Variants in ACTR3 observed in about 807,000 individuals in gnomAD.
ACTR3 encodes the protein actin-related protein 3.
A neutral mutation model predicts 56.8 loss-of-function variants in ACTR3; 12 were observed. That is an observed-to-expected ratio of 0.21 (90% CI 0.14 to 0.34). ACTR3 has a LOEUF of 0.34. Among genes scored for constraint, ACTR3 ranks in the 10% least tolerant of loss-of-function variants. The pLI is 1.00. For synonymous variants in ACTR3, 162 were observed against 167.4 expected (o/e 0.97, Z 0.25); for missense variants, 282 against 512.5 (o/e 0.55, Z 4.34).
intron 1 of ACTR3, among the ~76,000 whole-genome samples, chr2:113,898,223 A>G (rs903216473): frequency 9.2e-5 from 14 of 152,026 alleles, no homozygotes; most frequent in South Asian, 2.1e-4. Context: ...CAGTTACTCA[A>G]GGGTACAAAT....
At position 113,934,093 on chromosome 2, in the gene ACTR3, A is replaced by G. The variant is rs1159496824; in HGVS notation, c.433-186A>G. On this transcript the variant is annotated intron_variant, in intron 5 of 11. Transcript: ENST00000263238. ...TAAACCTCTAAGTTTGTCTTAATAA[A>G]ATGTAGGGAGTGAGCTATTTTATTG... is the stretch of plus-strand genomic sequence containing the variant. 5.5e-6 allele frequency: 3 copies of G among 542,380 alleles called. No homozygotes were observed. In the East Asian group the frequency reaches 1.0e-4, roughly 18 times the overall value. The allele number at this position is 542,380 out of a possible 1,614,324, so 33.6% of individuals were successfully genotyped here.
rs1433733562 is a variant in ACTR3, at chr2:113,951,918, A to C, written c.1077+73A>C. On this transcript the variant is annotated intron_variant, in intron 10 of 11. Transcript: ENST00000263238. The stretch of plus-strand genomic sequence containing the variant: ...ATTAGGATGAGAAATATTTGCCAGC[A>C]TTCACTCTGATTTAGAAAAATAAGA... 3.2e-6 allele frequency: 5 copies of C among 1,577,586 alleles called. No homozygotes were observed. In the African/African-American group the frequency reaches 6.8e-5, roughly 21 times the overall value.
chr2:113,914,614 C>CAAAAA (rs55784117), intron 2 of ACTR3, among the ~76,000 whole-genome samples: 7 of 69,142 alleles, frequency 1.0e-4, no homozygotes, highest in African/African-American at 2.1e-4. Flanking sequence ...GACTCAGTCT[C>CAAAAA]AAAAAAAAAA....
rs984030775 is a variant in ACTR3 at position 113,890,568 on chromosome 2, C to T, written c.44+245C>T. Reference sequence around the variant, plus strand: ...AACCCCCAACCCTCCCAGCGGCTTTCTCCGCGCGACCCCTCCCGGCCCTTC... The same window carrying T: ...AACCCCCAACCCTCCCAGCGGCTTTTTCCGCGCGACCCCTCCCGGCCCTTC... On this transcript the variant is annotated intron_variant, in intron 1 of 11. Coordinates refer to ENST00000263238, the MANE Select transcript of ACTR3 (RefSeq NM_005721.5). The T allele has an allele frequency of 3.3e-5, 45 of 1,369,062 alleles. No individual in the cohort carries two copies. The Admixed American group carries it at 8.6e-4, about 26-fold the overall frequency. 84.8% of individuals were successfully genotyped at this position (1,369,062 alleles called of 1,614,324 possible).
At chr2:113,932,034 T>C (rs13405344) in intron 5 of ACTR3, among the ~76,000 whole-genome samples, 45,232 of 151,994 alleles carry the variant, frequency 0.3, 11,076 homozygotes, top group African/African-American at 0.67. Flanking sequence ...TGGAAGGCAC[T>C]TTATTCATAA....
At chr2:113,929,962 A>G (rs1486523854) in intron 4 of ACTR3, among the ~76,000 whole-genome samples, 2 of 152,164 alleles carry the variant, frequency 1.3e-5, no homozygotes, top group Non-Finnish European at 2.9e-5. Flanking sequence ...TATAGATGTG[A>G]GCCACTGCGC....
intron 2 of ACTR3, among the ~76,000 whole-genome samples, chr2:113,914,050 G>A (rs1679357464): frequency 6.6e-6 from 1 of 152,090 alleles, no homozygotes; most frequent in African/African-American, 2.4e-5. Flanking sequence ...AATTTTGAGA[G>A]TGTCACTGAT....
At chr2:113,914,902 A>G (rs1410538166) in intron 2 of ACTR3, among the ~76,000 whole-genome samples, 1 of 152,156 alleles carries the variant, frequency 6.6e-6, no homozygotes. Flanking sequence ...TACCTTTTAA[A>G]TATTTTATTC....
rs1211486141 is a variant in ACTR3, at chr2:113,939,953, C to T, written c.541-6C>T. On this transcript the variant is annotated splice_polypyrimidine_tract_variant and splice_region_variant and intron_variant, in intron 6 of 11. Transcript: ENST00000263238. Reference sequence around the variant, plus strand: ...GTAAATTTGGTATCTTTTTTCCCCTCTCTAGGCTGAAGGGTATGTGATTGG... The same window carrying T: ...GTAAATTTGGTATCTTTTTTCCCCTTTCTAGGCTGAAGGGTATGTGATTGG... 1.9e-6 allele frequency: 3 copies of T among 1,585,462 alleles called. No homozygotes were observed. The highest frequency in any genetic ancestry group is 1.7e-5 in the Admixed American group (1 of 57,712).
At chr2:113,890,806 C>G in intron 1 of ACTR3, 1 of 997,872 alleles carries the variant, frequency 1.0e-6, no homozygotes, top group Non-Finnish European at 1.2e-6. Context: ...GCTGTGACAA[C>G]ATTCTGCCCA....
chr2:113,892,575 G>A (rs2104576210), intron 1 of ACTR3, among the ~76,000 whole-genome samples: 1 of 152,292 alleles, frequency 6.6e-6, no homozygotes, highest in Non-Finnish European at 1.5e-5. Flanking sequence ...TGGAGGATAA[G>A]TCCTTGAGGT....
intron 6 of ACTR3, among the ~76,000 whole-genome samples, chr2:113,938,234 C>T (rs1199097699): frequency 6.6e-6 from 1 of 152,044 alleles, no homozygotes; most frequent in Non-Finnish European, 1.5e-5. Flanking sequence ...TCCTCATCCT[C>T]ATTGTTGACC....
At chr2:113,890,449 C>G (rs557602908) in intron 1 of ACTR3, 126 bp downstream of exon 1, 1 of 1,286,320 alleles carries the variant, frequency 7.8e-7, no homozygotes, top group East Asian at 3.0e-5. Flanking sequence ...CCTAGACCCG[C>G]CGGCCAGCGA....
At position 113,961,457 on chromosome 2, in the gene ACTR3, G is replaced by A. The variant is rs1357286870; in HGVS notation, c.*4002G>A. The A allele has an allele frequency of 6.6e-6, 1 of 151,876 alleles. No homozygotes were observed. Among genetic ancestry groups the A allele is most frequent in the Non-Finnish European group, 1.5e-5 (1 of 67,858 alleles). The allele number at this position is 151,876 out of a possible 1,614,324, so 9.4% of individuals were successfully genotyped here. A position where few individuals can be genotyped will look rare whatever the true frequency, so the allele number is the denominator to read the frequency against. On this transcript the variant is annotated 3_prime_UTR_variant, in exon 12 of 12. Coordinates refer to ENST00000263238, the MANE Select transcript of ACTR3 (RefSeq NM_005721.5). ...AAAAAATGAAAGATTAAAAGTATAC[G>A]ATATTCTATTTTGATTTAGCAATTA...
intron 11 of ACTR3, among the ~76,000 whole-genome samples, 187 bp downstream of exon 11, chr2:113,955,893 A>G (rs1309306490): frequency 1.3e-5 from 2 of 152,032 alleles, no homozygotes; most frequent in Non-Finnish European, 2.9e-5. Flanking sequence ...GACTACAGGC[A>G]TGCGTCACCA....
At chr2:113,894,093 CTT>C (rs142698815) in intron 1 of ACTR3, among the ~76,000 whole-genome samples, 6 of 143,832 alleles carry the variant, frequency 4.2e-5, no homozygotes, top group Admixed American at 7.0e-5. Flanking sequence ...AATGCTGTTT[CTT>C]TTTTTTTTTT....
At position 113,937,172 on chromosome 2, in the gene ACTR3, C is replaced by G. The variant is rs770143549; in HGVS notation, c.540+2786C>G. Among the ~76,000 whole-genome samples the G allele has an allele frequency of 2.6e-5, 4 of 152,166 alleles. No individual in the cohort carries two copies. The East Asian group carries it at 7.7e-4, about 29-fold the overall frequency. On this transcript the variant is annotated intron_variant, in intron 6 of 11. Transcript: ENST00000263238. Reference sequence around the variant, plus strand: ...AGGCTGGAGTGCAGTGGTGCGATCTCAGCTCGCTTCAACCTCTGCCTCCTG... The same window carrying G: ...AGGCTGGAGTGCAGTGGTGCGATCTGAGCTCGCTTCAACCTCTGCCTCCTG...
intron 1 of ACTR3, among the ~76,000 whole-genome samples, chr2:113,907,038 T>A (rs2104588080): frequency 6.6e-6 from 1 of 152,314 alleles, no homozygotes; most frequent in Non-Finnish European, 1.5e-5. Context: ...TTTGGGTAAA[T>A]AGCTTTCAGA....
At position 113,924,004 on chromosome 2, in the gene ACTR3, C is replaced by T. The variant is rs147321483; in HGVS notation, c.226-3341C>T. Reference sequence around the variant, plus strand: ...TATGTTTTGATTAATGGATCTGGTCCATCCTAACTTCAAAGCTGGAAACCT... The same window carrying T: ...TATGTTTTGATTAATGGATCTGGTCTATCCTAACTTCAAAGCTGGAAACCT... On this transcript the variant is annotated intron_variant, in intron 3 of 11. Coordinates refer to ENST00000263238, the MANE Select transcript of ACTR3 (RefSeq NM_005721.5). 1.6e-4 allele frequency among the ~76,000 whole-genome samples: 25 copies of T among 151,618 alleles called. No homozygotes were observed. In the East Asian group the frequency reaches 4.3e-3, roughly 26 times the overall value.
Sources: gnomAD v4.1 joint callset for allele counts (sites outside exome capture counted in the v4.1 genomes callset) on GRCh38, gnomAD v4.1.1 for gene constraint, MANE v1.5 for transcripts, NCBI Gene and HGNC (gene_info 2026-07-23, HGNC 2026-07-21) for gene names.